The following CLEC16A variants were observed in gnomAD, a reference collection of about 807,000 sequenced individuals.
CLEC16A encodes C-type lectin domain containing 16A.
A neutral mutation model predicts 109.5 loss-of-function variants in CLEC16A; 51 were observed. The ratio of observed to expected loss-of-function variants is 0.47; its 90% CI spans 0.37 to 0.59. The LOEUF (loss-of-function observed/expected upper bound fraction) is 0.59, where lower values mean the gene tolerates loss of function less well. Ranked by LOEUF, CLEC16A falls within the 20% of genes least tolerant of loss-of-function variation. CLEC16A has a pLI of 0.00. For synonymous variants in CLEC16A, 673 were observed against 564.2 expected (o/e 1.19, Z -2.73); for missense variants, 1,339 against 1,394.0 (o/e 0.96, Z 0.63).
intron 19 of CLEC16A, among the ~76,000 whole-genome samples, chr16:11,106,882 C>T (rs1016722142): frequency 6.6e-6 from 1 of 152,294 alleles, no homozygotes. Flanking sequence ...GCAGAGTTAC[C>T]ACTCAACTCC....
At chr16:11,005,565 C>T (rs2152759187) in intron 11 of CLEC16A, among the ~76,000 whole-genome samples, 1 of 152,316 alleles carries the variant, frequency 6.6e-6, no homozygotes, top group Non-Finnish European at 1.5e-5. Flanking sequence ...TGTCACTCAG[C>T]TCACCATAAA....
rs1440771159 is a variant in CLEC16A, at chr16:11,126,016, C to T, written c.2511C>T (p.Val837=). 12 of 1,613,332 alleles carry T rather than the reference C, an allele frequency of 7.4e-6. No individual in the cohort carries two copies. Among genetic ancestry groups the T allele is most frequent in the Non-Finnish European group, 1.0e-5 (12 of 1,179,794 alleles). The change falls in exon 22 of 24, where the codon GTC becomes GTT. Residue 837 remains valine, a synonymous_variant. Transcript: ENST00000409790. The stretch of plus-strand genomic sequence containing the variant: ...TCCCAATCCAGCCCACCACTGAAGT[C>T]CTGGGGTTTGGACTCGGCTCCTCCA... The part of the protein sequence containing the change: ...LDLPIQPTTE[V]LGFGLGSSTS...
intron 11 of CLEC16A, among the ~76,000 whole-genome samples, chr16:11,011,342 A>G (rs901954711): frequency 1.3e-5 from 2 of 151,894 alleles, no homozygotes; most frequent in Non-Finnish European, 2.9e-5. Flanking sequence ...TCATTTATTT[A>G]TTTATCTCTT....
intron 12 of CLEC16A, among the ~76,000 whole-genome samples, chr16:11,023,620 T>G (rs2046245356): frequency 6.6e-6 from 1 of 152,048 alleles, no homozygotes; most frequent in Non-Finnish European, 1.5e-5. Flanking sequence ...TACTTTTTTT[T>G]TTTGCATTTT....
intron 19 of CLEC16A, among the ~76,000 whole-genome samples, chr16:11,117,272 A>T (rs2052065329): frequency 6.6e-6 from 1 of 152,238 alleles, no homozygotes; most frequent in Admixed American, 6.5e-5. Context: ...TAAAATAGGT[A>T]AACTGTATAC....
chr16:11,055,081 A>C (rs776167883), intron 18 of CLEC16A, among the ~76,000 whole-genome samples: 2 of 152,186 alleles, frequency 1.3e-5, no homozygotes, highest in Non-Finnish European at 2.9e-5. Context: ...AGATTCATCA[A>C]AGAGCTGCTA....
intron 17 of CLEC16A, among the ~76,000 whole-genome samples, 199 bp from the exon 18 acceptor site, chr16:11,051,314 A>G (rs546907063): frequency 1.3e-5 from 2 of 152,318 alleles, no homozygotes; most frequent in African/African-American, 4.8e-5. Flanking sequence ...AAAAATCTGC[A>G]ATTTAGAAAA....
chr16:10,990,882 A>T (rs1453285240), intron 10 of CLEC16A, among the ~76,000 whole-genome samples: 1 of 152,196 alleles, frequency 6.6e-6, no homozygotes, highest in Admixed American at 6.5e-5. Flanking sequence ...TGGCATTGTT[A>T]GTTTTCATGA....
rs964217357 is a variant in CLEC16A, at chr16:11,009,039, C to G, written c.1303+5734C>G. Among the ~76,000 whole-genome samples the G allele has an allele frequency of 3.3e-5, 5 of 152,136 alleles. No homozygotes were observed. In the East Asian group the frequency reaches 9.6e-4, roughly 29 times the overall value. On this transcript the variant is annotated intron_variant, in intron 11 of 23. Coordinates refer to ENST00000409790, the MANE Select transcript of CLEC16A (RefSeq NM_015226.3). The stretch of plus-strand genomic sequence containing the variant: ...GTACATTCACGTTGTATAACCATCA[C>G]CACCATCTGTCTTCAGAATGCTTTT...
At chr16:11,109,883 A>G (rs1471329132) in intron 19 of CLEC16A, among the ~76,000 whole-genome samples, 1 of 152,250 alleles carries the variant, frequency 6.6e-6, no homozygotes, top group Non-Finnish European at 1.5e-5. Context: ...AGCCTAAAAC[A>G]GGCTGTTGGA....
At chr16:11,054,416 A>G (rs2048105716) in intron 18 of CLEC16A, among the ~76,000 whole-genome samples, 2 of 152,172 alleles carry the variant, frequency 1.3e-5, no homozygotes, top group Non-Finnish European at 1.5e-5. Context: ...TGCCCCTCAC[A>G]TGTCACAGAG....
chr16:11,171,241 G>A (rs1393755307), intron 23 of CLEC16A, among the ~76,000 whole-genome samples: 4 of 152,300 alleles, frequency 2.6e-5, no homozygotes, highest in African/African-American at 7.2e-5. Flanking sequence ...AGCCCCGAGG[G>A]GTCACTGACT....
chr16:11,076,180 C>T (rs1364559884), intron 19 of CLEC16A, among the ~76,000 whole-genome samples: 1 of 152,210 alleles, frequency 6.6e-6, no homozygotes, highest in African/African-American at 2.4e-5. Context: ...TTCAGTGGTC[C>T]TGGCTTCCCA....
At position 10,980,577 on chromosome 16, in the gene CLEC16A, G is replaced by A. The variant is rs527452265; in HGVS notation, c.957+1195G>A. On this transcript the variant is annotated intron_variant, in intron 9 of 23. Coordinates refer to ENST00000409790, the MANE Select transcript of CLEC16A (RefSeq NM_015226.3). ...AGCATGGCCGCCAACTGCCCACAGC[G>A]GGAACGTCAGTGGAGAGAGTTAGGA... 7.2e-5 allele frequency among the ~76,000 whole-genome samples: 11 copies of A among 152,120 alleles called. 1 individual carries two copies. The highest frequency in any genetic ancestry group is 5.8e-4 in the East Asian group (3 of 5,164).
intron 19 of CLEC16A, among the ~76,000 whole-genome samples, chr16:11,092,143 C>G (rs980963762): frequency 1.3e-5 from 2 of 152,010 alleles, no homozygotes; most frequent in African/African-American, 2.4e-5. Flanking sequence ...GTCAGGAGTT[C>G]GAGACCAGCC....
intron 19 of CLEC16A, among the ~76,000 whole-genome samples, chr16:11,087,533 C>A (rs987708023): frequency 4.6e-5 from 7 of 152,252 alleles, no homozygotes; most frequent in East Asian, 1.9e-4. Flanking sequence ...GCTTGGCAGA[C>A]CATTGGTTTA....
intron 22 of CLEC16A, among the ~76,000 whole-genome samples, chr16:11,161,107 A>G (rs1451744080): frequency 6.6e-6 from 1 of 152,222 alleles, no homozygotes; most frequent in Non-Finnish European, 1.5e-5. Flanking sequence ...TTTTTGTTTT[A>G]AGCCTTCCCA....
chr16:11,091,939 A>G (rs1043232506), intron 19 of CLEC16A, among the ~76,000 whole-genome samples: 5 of 152,128 alleles, frequency 3.3e-5, no homozygotes, highest in African/African-American at 2.4e-5. Context: ...TGGGACTGCC[A>G]TGGGTTTGCT....
At position 11,181,261 on chromosome 16, in the gene CLEC16A, C is replaced by G. The variant is rs1348140324; in HGVS notation, c.*2571C>G. Reference sequence around the variant, plus strand: ...CATAGCTGGGGCGCTCCCAGACAGGCCAGTCCAGACAGGACACGCTGGGCC... The same window carrying G: ...CATAGCTGGGGCGCTCCCAGACAGGGCAGTCCAGACAGGACACGCTGGGCC... On this transcript the variant is annotated 3_prime_UTR_variant, in exon 24 of 24. Transcript: ENST00000409790. 1.3e-5 allele frequency: 2 copies of G among 152,240 alleles called. No homozygotes were observed. The highest frequency in any genetic ancestry group is 2.9e-5 in the Non-Finnish European group (2 of 68,098). 9.4% of individuals were successfully genotyped at this position (152,240 alleles called of 1,614,324 possible). A position where few individuals can be genotyped will look rare whatever the true frequency, so the allele number is the denominator to read the frequency against.
Sources: gnomAD v4.1 joint callset for allele counts (sites outside exome capture counted in the v4.1 genomes callset) on GRCh38, gnomAD v4.1.1 for gene constraint, MANE v1.5 for transcripts, NCBI Gene and HGNC (gene_info 2026-07-23, HGNC 2026-07-21) for gene names.